The following ZNF578 variants were observed in gnomAD, a reference collection of about 807,000 sequenced individuals.
The protein encoded by ZNF578 is Putative chemokine-related protein B42.
Under a neutral mutation model 8.3 loss-of-function variants are expected in ZNF578, and 8 were observed. The ratio of observed to expected loss-of-function variants is 0.96; its 90% CI spans 0.56 to 1.74. The LOEUF (loss-of-function observed/expected upper bound fraction) is 1.74, where lower values mean the gene tolerates loss of function less well. ZNF578 is among the 40% of genes most tolerant of loss of function. ZNF578 has a pLI of 0.00. For missense variants in ZNF578, 726 were observed against 707.5 expected (o/e 1.03, Z -0.30); for synonymous variants, 206 against 232.2 (o/e 0.89, Z 1.03).
At chr19:52,504,143 G>T (rs568982570) in intron 4 of ZNF578, among the ~76,000 whole-genome samples, 21 of 144,890 alleles carry the variant, frequency 1.4e-4, no homozygotes, top group South Asian at 4.5e-4. Context: ...CAGGATGGAG[G>T]GCAGTGGTGC....
At chr19:52,491,934 G>A (rs1457932863) in intron 3 of ZNF578, among the ~76,000 whole-genome samples, 2 of 151,840 alleles carry the variant, frequency 1.3e-5, no homozygotes, top group South Asian at 2.1e-4. Context: ...GCTGAGGAGG[G>A]CGGATCACGA....
chr19:52,477,341 A>C (rs909905384), intron 2 of ZNF578, among the ~76,000 whole-genome samples: 3 of 152,066 alleles, frequency 2.0e-5, no homozygotes, highest in Admixed American at 1.3e-4. Flanking sequence ...CTGAAATATG[A>C]ATGCCCTTAT....
At chr19:52,508,299 G>A (rs1219435488) in intron 5 of ZNF578, among the ~76,000 whole-genome samples, 1 of 150,020 alleles carries the variant, frequency 6.7e-6, no homozygotes, top group African/African-American at 2.5e-5. Context: ...AGCCGAGACT[G>A]TACCACTGCA....
chr19:52,515,569 A>C lies in ZNF578; in HGVS notation c.*3415A>C, dbSNP rs937482592. Among the ~76,000 whole-genome samples the C allele has an allele frequency of 7.9e-5, 12 of 152,184 alleles. No homozygotes were observed. Among genetic ancestry groups the C allele is most frequent in the African/African-American group, 1.9e-4 (8 of 41,534 alleles). On this transcript the variant is annotated 3_prime_UTR_variant, in exon 6 of 6. Transcript: ENST00000421239. ...TAAGACTTTAGACACCTTCTCACTC[A>C]TCTCAGACCTTCTCAGGGTAACTTG...
chr19:52,510,022 C>CA (rs1299961098), intron 5 of ZNF578, among the ~76,000 whole-genome samples: 1 of 152,064 alleles, frequency 6.6e-6, no homozygotes, highest in Non-Finnish European at 1.5e-5. Flanking sequence ...ACTGTGACTA[C>CA]AGGCACGGGC....
intron 3 of ZNF578, among the ~76,000 whole-genome samples, chr19:52,498,608 C>G (rs192490934): frequency 1.1e-3 from 165 of 151,140 alleles, no homozygotes; most frequent in African/African-American, 3.2e-3. Flanking sequence ...TGGTCTTGAA[C>G]TCCTGACCTT....
chr19:52,486,462 A>G (rs1047158139), intron 2 of ZNF578, among the ~76,000 whole-genome samples: 1 of 152,180 alleles, frequency 6.6e-6, no homozygotes, highest in Non-Finnish European at 1.5e-5. Context: ...GAAAAACAAA[A>G]CACAGAAAAA....
rs1422416948 is a variant in ZNF578 at position 52,514,404 on chromosome 19, G to T, written c.*2250G>T. ...GCTTTCTAGTCTTTGTTATTTATTG[G>T]AAGGCTGTGGTACCTACTACTTAAG... On this transcript the variant is annotated 3_prime_UTR_variant, in exon 6 of 6. Transcript: ENST00000421239. 2.0e-5 allele frequency among the ~76,000 whole-genome samples: 3 copies of T among 152,166 alleles called. No homozygotes were observed. Among genetic ancestry groups the T allele is most frequent in the African/African-American group, 7.2e-5 (3 of 41,456 alleles).
intron 2 of ZNF578, among the ~76,000 whole-genome samples, chr19:52,464,041 A>G (rs2059266778): frequency 1.3e-5 from 2 of 152,232 alleles, no homozygotes; most frequent in South Asian, 4.1e-4. Flanking sequence ...CATTGGAACT[A>G]TAATTTTATT....
At chr19:52,459,717 G>GTGTATATA (rs201576049) in intron 2 of ZNF578, among the ~76,000 whole-genome samples, 62 of 5,894 alleles carry the variant, frequency 0.011, 6 homozygotes, top group South Asian at 0.024. Context: ...GTAGATATGT[G>GTGTATATA]TGTGTGTGTG....
rs2059452271 is a variant in ZNF578 at position 52,512,319 on chromosome 19, C to T, written c.*165C>T. ...GACCAGTCAACACTTACCATCAGGC[C>T]ATTCATGGTGTAGGGAAACTTGACT... On this transcript the variant is annotated 3_prime_UTR_variant, in exon 6 of 6. Transcript: ENST00000421239. 1 of 1,539,562 alleles carries T rather than the reference C, an allele frequency of 6.5e-7. No homozygotes were observed. Among genetic ancestry groups the T allele is most frequent in the Admixed American group, 1.7e-5 (1 of 59,778 alleles).
At chr19:52,502,367 C>G (rs1487162525) in intron 4 of ZNF578, among the ~76,000 whole-genome samples, 2 of 152,190 alleles carry the variant, frequency 1.3e-5, no homozygotes, top group Non-Finnish European at 2.9e-5. Context: ...TTTTGTATCT[C>G]ATTTGGTAAT....
rs943793220 is a variant in ZNF578 at position 52,513,435 on chromosome 19, T to A, written c.*1281T>A. Among the ~76,000 whole-genome samples, 10 of 149,776 alleles carry A rather than the reference T, an allele frequency of 6.7e-5. No homozygotes were observed. The highest frequency in any genetic ancestry group is 2.2e-4 in the African/African-American group (9 of 40,652). ...TTAAAGGGATATACCATAGTAGTTT[T>A]AAAAGGGATATCAGGCTGGGTGTGG... is the stretch of plus-strand genomic sequence containing the variant. On this transcript the variant is annotated 3_prime_UTR_variant, in exon 6 of 6. Coordinates refer to ENST00000421239, the MANE Select transcript of ZNF578 (RefSeq NM_001099694.2).
At chr19:52,509,534 A>G (rs1266644146) in intron 5 of ZNF578, among the ~76,000 whole-genome samples, 1 of 152,222 alleles carries the variant, frequency 6.6e-6, no homozygotes, top group African/African-American at 2.4e-5. Flanking sequence ...CACACCGGCA[A>G]TCCCAGAAAT....
At chr19:52,509,799 A>G (rs1191740645) in intron 5 of ZNF578, among the ~76,000 whole-genome samples, 2 of 152,184 alleles carry the variant, frequency 1.3e-5, no homozygotes, top group African/African-American at 2.4e-5. Context: ...AAAAGTCACT[A>G]TGTGCCTGTT....
At chr19:52,464,899 T>A (rs1412637484) in intron 2 of ZNF578, among the ~76,000 whole-genome samples, 2 of 152,188 alleles carry the variant, frequency 1.3e-5, no homozygotes, top group Non-Finnish European at 2.9e-5. Flanking sequence ...GCAGTCTTTT[T>A]AAATCTATAA....
At chr19:52,467,461 A>C (rs1266490327) in intron 2 of ZNF578, among the ~76,000 whole-genome samples, 1 of 152,078 alleles carries the variant, frequency 6.6e-6, no homozygotes, top group East Asian at 1.9e-4. Context: ...AAAATAAATA[A>C]AAAATTTAGC....
chr19:52,507,774 A>G (rs623177), intron 5 of ZNF578, among the ~76,000 whole-genome samples: 47,992 of 151,896 alleles, frequency 0.32, 7,807 homozygotes, highest in African/African-American at 0.34. Context: ...TCCTGGCTGG[A>G]CGAGCTGGCT....
At chr19:52,455,894 TA>T (rs2059238186) in intron 1 of ZNF578, 1 of 152,172 alleles carries the variant, frequency 6.6e-6, no homozygotes, top group East Asian at 1.9e-4. Context: ...GAAAAATGTT[TA>T]AAGGCCTCCA....
Sources: gnomAD v4.1 joint callset for allele counts (sites outside exome capture counted in the v4.1 genomes callset) on GRCh38, gnomAD v4.1.1 for gene constraint, MANE v1.5 for transcripts, NCBI Gene and HGNC (gene_info 2026-07-23, HGNC 2026-07-21) for gene names.